Variants in BRMS1L observed in about 807,000 individuals in gnomAD.
BRMS1L encodes breast cancer metastasis-suppressor 1-like protein.
A neutral mutation model predicts 50.3 loss-of-function variants in BRMS1L; 23 were observed. That is an observed-to-expected ratio of 0.46 (90% CI 0.33 to 0.65). The LOEUF (loss-of-function observed/expected upper bound fraction) is 0.65. BRMS1L is among the 30% of genes least tolerant of loss of function. The pLI is 0.02. For missense variants in BRMS1L, 286 were observed against 386.1 expected, an observed-to-expected ratio of 0.74 and a Z score of 2.17; for synonymous variants, 114 against 126.9, an observed-to-expected ratio of 0.90 and a Z score of 0.69.
intron 9 of BRMS1L, 89 bp downstream of exon 9, chr14:35,868,121 C>G (rs892523710): frequency 6.8e-6 from 9 of 1,328,100 alleles, no homozygotes; most frequent in Non-Finnish European, 9.1e-6. Flanking sequence ...CCATAGTGTG[C>G]CTATATCATT....
chr14:35,834,497 C>T (rs2142039260), intron 3 of BRMS1L, among the ~76,000 whole-genome samples: 1 of 152,164 alleles, frequency 6.6e-6, no homozygotes, highest in Admixed American at 6.5e-5. Context: ...AGTTTATTAT[C>T]TCCATTTCTA....
chr14:35,869,728 C>T (rs538054438), intron 9 of BRMS1L, among the ~76,000 whole-genome samples: 8 of 152,074 alleles, frequency 5.3e-5, no homozygotes, highest in African/African-American at 1.9e-4. Context: ...TGCTTGTAGT[C>T]TCAGCTACTT....
In BRMS1L at chr14:35,829,216, A is replaced by G. The variant is rs551485239; in HGVS notation, c.143-2194A>G. On this transcript the variant is annotated intron_variant, in intron 1 of 9. Coordinates refer to ENST00000216807, the MANE Select transcript of BRMS1L (RefSeq NM_032352.4). ...CTCTGCCTCCCAAAGTGCTGGGATT[A>G]CAGGCGGGAGCCACTGCACCTGGCC... 1.6e-4 allele frequency among the ~76,000 whole-genome samples: 25 copies of G among 152,324 alleles called. No homozygotes were observed. The South Asian group carries it at 5.2e-3, about 32-fold the overall frequency.
intron 4 of BRMS1L, among the ~76,000 whole-genome samples, chr14:35,855,834 C>T (rs1008374109): frequency 1.1e-4 from 17 of 152,014 alleles, no homozygotes; most frequent in African/African-American, 4.1e-4. Context: ...GTAATCCTTT[C>T]AACAACATTA....
In BRMS1L at chr14:35,833,218, C is replaced by A. The variant is rs1261220633; in HGVS notation, c.361+113C>A. 10 of 1,085,994 alleles carry A rather than the reference C, an allele frequency of 9.2e-6. No homozygotes were observed. The South Asian group carries it at 1.4e-4, about 16-fold the overall frequency. The allele number at this position is 1,085,994 out of a possible 1,614,324, so 67.3% of individuals were successfully genotyped here. A position where few individuals can be genotyped will look rare whatever the true frequency, so the allele number is the denominator to read the frequency against. On this transcript the variant is annotated intron_variant, in intron 3 of 9. Transcript: ENST00000216807. The stretch of plus-strand genomic sequence containing the variant: ...GATGGGATTACAAGCATATTTACAT[C>A]GACCAGAATATTTTACTTTTAGTTA...
intron 4 of BRMS1L, among the ~76,000 whole-genome samples, chr14:35,846,155 G>A (rs1220591072): frequency 1.3e-5 from 2 of 152,172 alleles, no homozygotes; most frequent in African/African-American, 4.8e-5. Flanking sequence ...GGGAGCCTGA[G>A]GTGGGAGGAC....
chr14:35,871,141 G>A lies in BRMS1L; in HGVS notation c.*664G>A, dbSNP rs1457346836. The A allele has an allele frequency of 6.6e-6, 1 of 152,582 alleles. No homozygotes were observed. Among genetic ancestry groups the A allele is most frequent in the Admixed American group, 6.5e-5 (1 of 15,274 alleles). 9.5% of individuals were successfully genotyped at this position (152,582 alleles called of 1,614,324 possible). A position where few individuals can be genotyped will look rare whatever the true frequency, so the allele number is the denominator to read the frequency against. On this transcript the variant is annotated 3_prime_UTR_variant, in exon 10 of 10. Coordinates refer to ENST00000216807, the MANE Select transcript of BRMS1L (RefSeq NM_032352.4). ...TATTTTTACAAATTATACCTAATGA[G>A]TAAAATTAGTGTAAAGTGATAACAT... is the stretch of plus-strand genomic sequence containing the variant.
At position 35,853,391 on chromosome 14, in the gene BRMS1L, G is replaced by T. The variant is rs543166362; in HGVS notation, c.442-9199G>T. On this transcript the variant is annotated intron_variant, in intron 4 of 9. Transcript: ENST00000216807. ...TAGTGATTATAGTGATTACTTTGATGATGATGTTAATGATGATGATGATGA... is the reference window on the plus strand; with the variant it reads ...TAGTGATTATAGTGATTACTTTGATTATGATGTTAATGATGATGATGATGA... Among the ~76,000 whole-genome samples, 5 of 151,810 alleles carry T rather than the reference G, an allele frequency of 3.3e-5. No homozygotes were observed. The East Asian group carries it at 9.7e-4, about 29-fold the overall frequency.
intron 1 of BRMS1L, 185 bp downstream of exon 1, chr14:35,826,843 G>C (rs2077852095): frequency 1.2e-6 from 1 of 853,378 alleles, no homozygotes; most frequent in South Asian, 1.9e-5. Context: ...CTCCTGATGG[G>C]TCCCGGCGGC....
At chr14:35,829,058 C>T (rs2077884905) in intron 1 of BRMS1L, among the ~76,000 whole-genome samples, 1 of 152,086 alleles carries the variant, frequency 6.6e-6, no homozygotes, top group East Asian at 1.9e-4. Flanking sequence ...TCTCCAGCCT[C>T]AGCCTCCTGA....
intron 2 of BRMS1L, 118 bp from the exon 3 acceptor site, chr14:35,832,860 A>G: frequency 1.1e-6 from 1 of 936,148 alleles, no homozygotes. Flanking sequence ...AAGGCAAAAT[A>G]TATTTGATAG....
rs3058640 is a variant in BRMS1L, at chr14:35,832,505, C to CAAAA, written c.234-461_234-458dup. 8.6e-4 allele frequency among the ~76,000 whole-genome samples: 100 copies of CAAAA among 116,210 alleles called. 1 individual carries two copies. Among genetic ancestry groups the CAAAA allele is most frequent in the East Asian group, 6.3e-3 (28 of 4,440 alleles). 76.2% of individuals were successfully genotyped at this position (116,210 alleles called of 152,430 possible). On this transcript the variant is annotated intron_variant, in intron 2 of 9. Coordinates refer to ENST00000216807, the MANE Select transcript of BRMS1L (RefSeq NM_032352.4). ...TGGGTGACGGAGCGAGACTCCGTCT[C>CAAAA]AAAAAAAAAAAAAAATTAAGTAGGC...
chr14:35,842,091 G>A (rs1417739354), intron 4 of BRMS1L, among the ~76,000 whole-genome samples: 2 of 149,978 alleles, frequency 1.3e-5, no homozygotes, highest in Admixed American at 6.7e-5. Flanking sequence ...CGTGAGATGC[G>A]TCTCCTGAAT....
chr14:35,827,703 A>G (rs754533099), intron 1 of BRMS1L, among the ~76,000 whole-genome samples: 18 of 152,260 alleles, frequency 1.2e-4, no homozygotes, highest in Non-Finnish European at 2.6e-4. Flanking sequence ...TTAAAAAGCT[A>G]TCATAAGTCA....
At chr14:35,836,704 C>A (rs1430742645) in intron 4 of BRMS1L, among the ~76,000 whole-genome samples, 2 of 152,092 alleles carry the variant, frequency 1.3e-5, no homozygotes, top group South Asian at 2.1e-4. Context: ...ATTTTGCTTT[C>A]AATATTTAGA....
chr14:35,865,139 T>C (rs1490665283), intron 7 of BRMS1L, 140 bp downstream of exon 7: 1 of 551,070 alleles, frequency 1.8e-6, no homozygotes, highest in Non-Finnish European at 3.1e-6. Flanking sequence ...AATTTAATAC[T>C]ATTACAGATA....
chr14:35,870,993 C>T lies in BRMS1L; in HGVS notation c.*516C>T, dbSNP rs1379593820. 1 of 152,526 alleles carries T rather than the reference C, an allele frequency of 6.6e-6. No homozygotes were observed. The highest frequency in any genetic ancestry group is 2.4e-5 in the African/African-American group (1 of 41,416). 9.4% of individuals were successfully genotyped at this position (152,526 alleles called of 1,614,324 possible). A position where few individuals can be genotyped will look rare whatever the true frequency, so the allele number is the denominator to read the frequency against. On this transcript the variant is annotated 3_prime_UTR_variant, in exon 10 of 10. Transcript: ENST00000216807. ...TCATCAGCTTATTTAGAACTGATGG[C>T]CATACCTTACAATCTTGTTTTACCC...
At chr14:35,865,953 A>G in intron 8 of BRMS1L, 192 bp downstream of exon 8, 1 of 563,734 alleles carries the variant, frequency 1.8e-6, no homozygotes, top group Non-Finnish European at 3.1e-6. Context: ...ATGTGGTATA[A>G]TTATTTCAGT....
chr14:35,831,690 T>G (rs1567299038), intron 2 of BRMS1L, among the ~76,000 whole-genome samples, 190 bp downstream of exon 2: 1 of 152,076 alleles, frequency 6.6e-6, no homozygotes, highest in East Asian at 1.9e-4. Flanking sequence ...GAGGCAGGGT[T>G]TTTTTGTGGG....
Sources: allele counts gnomAD v4.1 joint callset (sites outside exome capture counted in the v4.1 genomes callset), GRCh38; gene constraint gnomAD v4.1.1; transcripts MANE v1.5; gene names NCBI Gene and HGNC (gene_info 2026-07-23, HGNC 2026-07-21).